The following ERBB4 variants were observed in gnomAD, a reference collection of about 807,000 sequenced individuals.
ERBB4 encodes erb-b2 receptor tyrosine kinase 4.
ERBB4 carries 42 observed loss-of-function variants against 158.0 expected under a neutral mutation model. The ratio of observed to expected loss-of-function variants is 0.27; its 90% CI spans 0.21 to 0.34. The LOEUF (loss-of-function observed/expected upper bound fraction) is 0.34. ERBB4 is among the 10% of genes least tolerant of loss of function. The probability of loss-of-function intolerance (pLI) is 1.00; values close to 1 mark genes in which losing one functional copy is unlikely to be tolerated. For missense variants in ERBB4, 1,333 were observed against 1,624.1 expected (o/e 0.82, Z 3.08); for synonymous variants, 583 against 558.7 (o/e 1.04, Z -0.61).
At chr2:211,870,944 T>C (rs879264683) in intron 3 of ERBB4, among the ~76,000 whole-genome samples, 3 of 152,200 alleles carry the variant, frequency 2.0e-5, no homozygotes, top group Admixed American at 1.3e-4. Flanking sequence ...GCAGAAAATG[T>C]GGCACAAGGC....
At position 211,903,409 on chromosome 2, in the gene ERBB4, C is replaced by A. The variant is rs181888772; in HGVS notation, c.421+44021G>T. Among the ~76,000 whole-genome samples the A allele has an allele frequency of 3.1e-3, 465 of 152,058 alleles. 2 individuals are homozygous for A. The highest frequency in any genetic ancestry group is 7.1e-3 in the Admixed American group (108 of 15,252). On this transcript the variant is annotated intron_variant, in intron 3 of 27. Coordinates refer to ENST00000342788, the MANE Select transcript of ERBB4 (RefSeq NM_005235.3). ...GTGCAAGGCAGGCATGGAAAAGAAA[C>A]ATCTAAGCAAAATATGAAAATCTAA... is the stretch of plus-strand genomic sequence containing the variant.
intron 25 of ERBB4, among the ~76,000 whole-genome samples, chr2:211,389,816 A>G (rs1340288155): frequency 6.6e-6 from 1 of 152,222 alleles, no homozygotes; most frequent in Non-Finnish European, 1.5e-5. Flanking sequence ...GATAATGTAT[A>G]TAAATGAACT....
rs1575365309 is a variant in ERBB4 at position 211,913,286 on chromosome 2, T to C, written c.421+34144A>G. Among the ~76,000 whole-genome samples the C allele has an allele frequency of 4.6e-5, 7 of 152,198 alleles. No homozygotes were observed. The South Asian group carries it at 1.4e-3, about 32-fold the overall frequency. On this transcript the variant is annotated intron_variant, in intron 3 of 27. Coordinates refer to ENST00000342788, the MANE Select transcript of ERBB4 (RefSeq NM_005235.3). ...TAGAATGTGGCCTTTTGAGGACAAT[T>C]TGTACATGCTTTAAAAATATTAAAA...
At chr2:211,510,327 A>C (rs2065855806) in intron 20 of ERBB4, among the ~76,000 whole-genome samples, 2 of 152,072 alleles carry the variant, frequency 1.3e-5, no homozygotes, top group South Asian at 2.1e-4. Flanking sequence ...AGAGGGTGGG[A>C]GGAGGGTATG....
chr2:212,293,374 C>T (rs1408898622), intron 1 of ERBB4, among the ~76,000 whole-genome samples: 1 of 151,900 alleles, frequency 6.6e-6, no homozygotes, highest in African/African-American at 2.4e-5. Flanking sequence ...TAATAAAAAT[C>T]TGATCTCATA....
chr2:212,145,618 A>G (rs2080639875), intron 1 of ERBB4, among the ~76,000 whole-genome samples: 1 of 151,242 alleles, frequency 6.6e-6, no homozygotes, highest in Non-Finnish European at 1.5e-5. Context: ...CACCCAGTCC[A>G]CTCACTCTTC....
At chr2:211,540,405 T>C (rs752712778) in intron 20 of ERBB4, among the ~76,000 whole-genome samples, 1 of 151,892 alleles carries the variant, frequency 6.6e-6, no homozygotes, top group Non-Finnish European at 1.5e-5. Flanking sequence ...ACTAAATAGA[T>C]GTTTTAAGTT....
intron 4 of ERBB4, among the ~76,000 whole-genome samples, chr2:211,780,383 A>T (rs2076005438): frequency 6.6e-6 from 1 of 152,178 alleles, no homozygotes; most frequent in Non-Finnish European, 1.5e-5. Context: ...AAATAAACAA[A>T]AGAAAAGAAA....
At chr2:212,447,049 T>G (rs1553641467) in intron 1 of ERBB4, among the ~76,000 whole-genome samples, 1 of 151,232 alleles carries the variant, frequency 6.6e-6, no homozygotes. Context: ...TAGGCTAGAG[T>G]GCAGTGGCGC....
chr2:212,191,569 CATGTGTT>C (rs2082204524), intron 1 of ERBB4, among the ~76,000 whole-genome samples: 3 of 22,956 alleles, frequency 1.3e-4, no homozygotes, highest in Admixed American at 3.5e-4. Context: ...ATATATAACA[CATGTGTT>C]ATGCCTGTTA....
intron 1 of ERBB4, among the ~76,000 whole-genome samples, chr2:212,490,012 G>A (rs1690184816): frequency 1.3e-5 from 2 of 151,716 alleles, no homozygotes; most frequent in Admixed American, 1.3e-4. Flanking sequence ...ACTACTTGCA[G>A]TTTCCCAAAC....
At chr2:211,431,597 G>A (rs375136736) in intron 20 of ERBB4, among the ~76,000 whole-genome samples, 11 of 152,034 alleles carry the variant, frequency 7.2e-5, no homozygotes, top group African/African-American at 2.7e-4. Flanking sequence ...TTCTATGGAG[G>A]CTGAAGAATT....
intron 1 of ERBB4, among the ~76,000 whole-genome samples, chr2:212,209,289 G>A (rs1445904794): frequency 6.6e-6 from 1 of 152,108 alleles, no homozygotes; most frequent in Non-Finnish European, 1.5e-5. Flanking sequence ...ATTTTAAAAT[G>A]CATATTACTT....
At chr2:211,753,392 G>A (rs1214035400) in intron 4 of ERBB4, among the ~76,000 whole-genome samples, 1 of 152,010 alleles carries the variant, frequency 6.6e-6, no homozygotes, top group African/African-American at 2.4e-5. Flanking sequence ...ATGATGTTAA[G>A]CAATGGACAT....
intron 2 of ERBB4, among the ~76,000 whole-genome samples, chr2:211,964,702 C>T (rs547577274): frequency 6.6e-6 from 1 of 152,250 alleles, no homozygotes; most frequent in South Asian, 2.1e-4. Context: ...TTAGCTGACA[C>T]AGTTACCTCA....
At chr2:211,598,454 T>C (rs1478710115) in intron 19 of ERBB4, among the ~76,000 whole-genome samples, 1 of 152,070 alleles carries the variant, frequency 6.6e-6, no homozygotes, top group Non-Finnish European at 1.5e-5. Context: ...AATAAGAACA[T>C]GGGAAAAGCA....
chr2:211,784,749 A>G (rs1398075331), intron 4 of ERBB4, among the ~76,000 whole-genome samples: 1 of 151,970 alleles, frequency 6.6e-6, no homozygotes, highest in Non-Finnish European at 1.5e-5. Context: ...ACCTCCTCAC[A>G]TTTGTTATTT....
rs541929569 is a variant in ERBB4, at chr2:212,357,616, C to A, written c.82+180833G>T. Among the ~76,000 whole-genome samples, 17 of 151,760 alleles carry A rather than the reference C, an allele frequency of 1.1e-4. 1 individual carries two copies. In the South Asian group the frequency reaches 3.5e-3, roughly 32 times the overall value. On this transcript the variant is annotated intron_variant, in intron 1 of 27. Coordinates refer to ENST00000342788, the MANE Select transcript of ERBB4 (RefSeq NM_005235.3). ...ACGTTTGCCCACAGAGAAGCCCAGA[C>A]ACTGAAAATGGTCTCATCAACACAA...
chr2:211,828,788 C>G (rs1426072673), intron 3 of ERBB4, among the ~76,000 whole-genome samples: 1 of 152,096 alleles, frequency 6.6e-6, no homozygotes, highest in East Asian at 1.9e-4. Context: ...TCTCACCACT[C>G]CTGCACACAC....
Sources: gnomAD v4.1 joint callset for allele counts (sites outside exome capture counted in the v4.1 genomes callset) on GRCh38, gnomAD v4.1.1 for gene constraint, MANE v1.5 for transcripts, NCBI Gene and HGNC (gene_info 2026-07-23, HGNC 2026-07-21) for gene names.